CTNNA3: variants seen among roughly 807,000 people sequenced by gnomAD.
The protein encoded by CTNNA3 is catenin alpha 3.
In CTNNA3, 76 loss-of-function variants were observed where a neutral mutation model predicts 95.7. The ratio of observed to expected loss-of-function variants is 0.79; its 90% CI spans 0.66 to 0.96. CTNNA3 has a LOEUF of 0.96. Among genes scored for constraint, CTNNA3 ranks in the 40% least tolerant of loss-of-function variants. The probability of loss-of-function intolerance (pLI) is 0.00; values close to 1 mark genes in which losing one functional copy is unlikely to be tolerated. For synonymous variants in CTNNA3, 431 were observed against 374.4 expected, an observed-to-expected ratio of 1.15 and a Z score of -1.74; for missense variants, 1,191 against 1,089.8, an observed-to-expected ratio of 1.09 and a Z score of -1.31.
intron 7 of CTNNA3, among the ~76,000 whole-genome samples, chr10:66,807,457 T>A (rs189132337): frequency 2.6e-5 from 4 of 152,284 alleles, no homozygotes; most frequent in Admixed American, 6.5e-5. Context: ...TCCACCATTG[T>A]TCAAGGAGGG....
chr10:66,991,301 G>C (rs1022570871), intron 7 of CTNNA3, among the ~76,000 whole-genome samples: 1 of 152,050 alleles, frequency 6.6e-6, no homozygotes, highest in African/African-American at 2.4e-5. Context: ...ATATTTCTAA[G>C]TGCCAATGTC....
intron 2 of CTNNA3, among the ~76,000 whole-genome samples, chr10:67,642,563 C>A (rs572731301): frequency 6.6e-6 from 1 of 151,980 alleles, no homozygotes; most frequent in Non-Finnish European, 1.5e-5. Flanking sequence ...ACTAAGAATA[C>A]AAAAATTAAC....
intron 7 of CTNNA3, among the ~76,000 whole-genome samples, chr10:66,783,504 C>T (rs1375799519): frequency 6.6e-6 from 1 of 152,048 alleles, no homozygotes; most frequent in Non-Finnish European, 1.5e-5. Context: ...TTTTGTGATG[C>T]CTGACCCAGC....
intron 7 of CTNNA3, among the ~76,000 whole-genome samples, chr10:66,939,648 C>A (rs953851192): frequency 6.6e-6 from 1 of 152,176 alleles, no homozygotes; most frequent in African/African-American, 2.4e-5. Context: ...GACTTACAGA[C>A]CATCCATATC....
intron 12 of CTNNA3, among the ~76,000 whole-genome samples, chr10:66,311,483 G>T (rs753884565): frequency 5.3e-5 from 8 of 152,176 alleles, no homozygotes; most frequent in Non-Finnish European, 1.0e-4. Flanking sequence ...GCAGCTATCA[G>T]CTTATACAGA....
intron 13 of CTNNA3, among the ~76,000 whole-genome samples, chr10:66,223,393 C>T (rs1392209761): frequency 6.6e-6 from 1 of 152,036 alleles, no homozygotes; most frequent in Non-Finnish European, 1.5e-5. Context: ...AATTTATATT[C>T]CTTCAGATTT....
chr10:66,212,885 C>T (rs903674226), intron 13 of CTNNA3, among the ~76,000 whole-genome samples: 40 of 152,124 alleles, frequency 2.6e-4, no homozygotes, highest in African/African-American at 8.9e-4. Flanking sequence ...TGCCTGTAAT[C>T]CCAGCTATGC....
intron 5 of CTNNA3, among the ~76,000 whole-genome samples, chr10:67,267,349 GA>G (rs536021005): frequency 1.1e-3 from 166 of 152,230 alleles, no homozygotes; most frequent in African/African-American, 3.7e-3. Context: ...AAAGCGATAT[GA>G]AAATTAAATT....
At chr10:66,609,057 T>C (rs1019999992) in intron 10 of CTNNA3, among the ~76,000 whole-genome samples, 1 of 151,886 alleles carries the variant, frequency 6.6e-6, no homozygotes. Context: ...AAAGGTCTAT[T>C]ATCTTTTTTT....
chr10:66,475,593 C>A (rs1839294641), intron 11 of CTNNA3, among the ~76,000 whole-genome samples: 1 of 151,740 alleles, frequency 6.6e-6, no homozygotes, highest in Non-Finnish European at 1.5e-5. Flanking sequence ...GTTCATGTGG[C>A]CAAAAAACAT....
intron 5 of CTNNA3, among the ~76,000 whole-genome samples, chr10:67,290,650 A>G (rs1175547805): frequency 6.6e-6 from 1 of 152,180 alleles, no homozygotes; most frequent in Non-Finnish European, 1.5e-5. Flanking sequence ...AATGTGACCA[A>G]GGTTACATCA....
intron 10 of CTNNA3, among the ~76,000 whole-genome samples, chr10:66,616,834 C>T (rs922442250): frequency 6.6e-6 from 1 of 151,968 alleles, no homozygotes; most frequent in African/African-American, 2.4e-5. Flanking sequence ...AAAATAGTCA[C>T]TGTAAAGGAT....
intron 7 of CTNNA3, chr10:66,926,917 C>T (rs769297583): frequency 6.5e-7 from 1 of 1,547,498 alleles, no homozygotes; most frequent in East Asian, 2.3e-5. Context: ...GTTTTTATTT[C>T]CAGGTTTCAA....
chr10:67,620,814 T>A (rs1843808046), intron 2 of CTNNA3, among the ~76,000 whole-genome samples: 1 of 151,694 alleles, frequency 6.6e-6, no homozygotes, highest in African/African-American at 2.4e-5. Context: ...AAGAAAAAAC[T>A]CATCTGAAAA....
At chr10:67,674,058 G>A (rs1477240453) in intron 1 of CTNNA3, among the ~76,000 whole-genome samples, 1 of 151,804 alleles carries the variant, frequency 6.6e-6, no homozygotes, top group Non-Finnish European at 1.5e-5. Flanking sequence ...TCCCTCTGGT[G>A]TATACATTCT....
chr10:66,036,934 G>A (rs1392289527), intron 15 of CTNNA3, among the ~76,000 whole-genome samples: 1 of 136,530 alleles, frequency 7.3e-6, no homozygotes, highest in Non-Finnish European at 1.5e-5. Flanking sequence ...GTGCAGTGGC[G>A]CGATCTCAGC....
rs577683294 is a variant in CTNNA3 at position 66,821,600 on chromosome 10, T to G, written c.1048-46076A>C. Among the ~76,000 whole-genome samples the G allele has an allele frequency of 2.0e-5, 3 of 152,304 alleles. No homozygotes were observed. In the South Asian group the frequency reaches 6.2e-4, roughly 32 times the overall value. ...TACATACAAAAGAGCACTATCCATT[T>G]TCAACAGGGTTGTTTTGAGTCATAA... is the stretch of plus-strand genomic sequence containing the variant. On this transcript the variant is annotated intron_variant, in intron 7 of 17. Coordinates refer to ENST00000433211, the MANE Select transcript of CTNNA3 (RefSeq NM_013266.4).
chr10:66,977,179 CTGTAA>C (rs1850089013), intron 7 of CTNNA3, among the ~76,000 whole-genome samples: 1 of 152,128 alleles, frequency 6.6e-6, no homozygotes, highest in Non-Finnish European at 1.5e-5. Flanking sequence ...TGGCTTACAC[CTGTAA>C]TCCTAGCACT....
At chr10:66,529,465 TA>T (rs201166989) in intron 10 of CTNNA3, among the ~76,000 whole-genome samples, 1 of 148,446 alleles carries the variant, frequency 6.7e-6, no homozygotes, top group African/African-American at 2.5e-5. Context: ...TTTTTTTTAA[TA>T]AAAAAACCTA....
Sources: gnomAD v4.1 joint callset for allele counts (sites outside exome capture counted in the v4.1 genomes callset) on GRCh38, gnomAD v4.1.1 for gene constraint, MANE v1.5 for transcripts, NCBI Gene and HGNC (gene_info 2026-07-23, HGNC 2026-07-21) for gene names.